HCFC1: variants seen among roughly 807,000 people sequenced by gnomAD.
The protein encoded by HCFC1 is host cell factor C1, also known as host cell factor 1.
In HCFC1, 7 loss-of-function variants were observed where a neutral mutation model predicts 105.5. The ratio of observed to expected loss-of-function variants is 0.07; its 90% CI spans 0.04 to 0.12. The LOEUF is 0.12. Ranked by LOEUF, HCFC1 falls within the 10% of genes least tolerant of loss-of-function variation. The pLI is 1.00. For synonymous variants in HCFC1, 918 were observed against 828.1 expected (o/e 1.11, Z -1.86); for missense variants, 1,065 against 1,823.6 (o/e 0.58, Z 7.58).
In HCFC1 at chrX:153,952,729, G is replaced by T. The variant is rs2148563453; in HGVS notation, c.4727C>A (p.Pro1576Gln). The change falls in exon 19 of 26, where the codon CCA becomes CAA. Residue 1576 changes from proline to glutamine, a missense_variant. Physicochemically the swap from Pro to Gln is moderately conservative, Grantham distance 76 (BLOSUM62 -1). Around this residue, in one of 17 missense-constraint regions of HCFC1, gnomAD observed 546 missense variants for 599.9 expected, o/e 0.91. Coordinates refer to ENST00000310441, the MANE Select transcript of HCFC1 (RefSeq NM_005334.3). The part of the protein sequence containing the change: ...VVATVVVQPP[P>Q]PTQSEVDQLS... Reference sequence around the variant, plus strand: ...CTGGTCTACTTCGGACTGTGTGGGTGGGGGTGGCTGGACCACCACAGTGGC... The same window carrying T: ...CTGGTCTACTTCGGACTGTGTGGGTTGGGGTGGCTGGACCACCACAGTGGC... 2.5e-6 allele frequency: 3 copies of T among 1,209,043 alleles called. No individual in the cohort carries two copies. The highest frequency in any genetic ancestry group is 3.5e-5 in the South Asian group (2 of 56,871).
At position 153,954,907 on chromosome X, in the gene HCFC1, G is replaced by A. The variant is rs376049260; in HGVS notation, c.3492C>T (p.Ser1164=). The part of the protein sequence containing the change: ...GALEAAQGSK[S]QCQTRQTSAT... Reference sequence around the variant, plus strand: ...CGCTGGTCTGGCGGGTTTGGCACTGGGACTTAGAGCCCTGGGCTGCCTCCA... The same window carrying A: ...CGCTGGTCTGGCGGGTTTGGCACTGAGACTTAGAGCCCTGGGCTGCCTCCA... Residue 1164 remains serine, a synonymous_variant, in exon 17 of 26, where the codon TCC becomes TCT. Transcript: ENST00000310441. 1.1e-3 allele frequency: 1,241 copies of A among 1,169,225 alleles called. No individual in the cohort carries two copies. Among genetic ancestry groups the A allele is most frequent in the Non-Finnish European group, 1.3e-3 (1,142 of 877,818 alleles).
Position 153,956,745 on chromosome X carries a change from G to C in HCFC1, c.2515C>G (p.Pro839Ala). 1.7e-6 allele frequency: 2 copies of C among 1,210,988 alleles called. No homozygotes were observed. The highest frequency in any genetic ancestry group is 2.2e-6 in the Non-Finnish European group (2 of 895,504). ...CGGAGGATGGTGCCTGGCTGTCCCG[G>C]GGCCCCCTTAAGCACCACCTGGAAC... is the stretch of plus-strand genomic sequence containing the variant. ...GVTQVVLKGA[P>A]GQPGTILRTV... The change falls in exon 15 of 26, where the codon CCG (proline) becomes GCG (alanine). Residue 839 changes from proline to alanine, a missense_variant. Around this residue, in one of 17 missense-constraint regions of HCFC1, gnomAD observed 137 missense variants for 378.2 expected, o/e 0.36. Coordinates refer to ENST00000310441, the MANE Select transcript of HCFC1 (RefSeq NM_005334.3).
At position 153,971,654 on chromosome X, in the gene HCFC1, C is replaced by T; in HGVS notation, c.-814G>A. ...CCTAGGTCAGTTCTTCCACTGCACA[C>T]CAAACTCAAGGCGGTGTCCGATCCT... On this transcript the variant is annotated 5_prime_UTR_variant, in exon 1 of 26. In the 5' UTR this introduces an upstream ATG that the reference lacks. Transcript: ENST00000310441. The T allele has an allele frequency of 3.4e-6, 1 of 297,040 alleles. No individual in the cohort carries two copies. The highest frequency in any genetic ancestry group is 5.9e-6 in the Non-Finnish European group (1 of 169,760). The allele number at this position is 297,040 out of a possible 1,213,427, so 24.5% of individuals were successfully genotyped here.
intron 8 of HCFC1, 57 bp downstream of exon 8, chrX:153,959,745 T>G: frequency 4.4e-6 from 5 of 1,140,275 alleles, no homozygotes; most frequent in Non-Finnish European, 5.8e-6. Flanking sequence ...ACTTGGCCGC[T>G]GCCTCTCCCC....
intron 14 of HCFC1, 65 bp downstream of exon 14, chrX:153,956,853 T>A: frequency 8.3e-7 from 1 of 1,202,491 alleles, no homozygotes; most frequent in Non-Finnish European, 1.1e-6. Context: ...CGGGAGGACC[T>A]GCGTGGCGTG....
rs2065535569 is a variant in HCFC1, at chrX:153,971,598, C to G, written c.-758G>C. On this transcript the variant is annotated 5_prime_UTR_variant, in exon 1 of 26. Coordinates refer to ENST00000310441, the MANE Select transcript of HCFC1 (RefSeq NM_005334.3). Reference sequence around the variant, plus strand: ...CGCCGTGGGAGCCGCCATCTTGAGACTAGCTCCCCGTTCCCCCCTATTCTC... The same window carrying G: ...CGCCGTGGGAGCCGCCATCTTGAGAGTAGCTCCCCGTTCCCCCCTATTCTC... 3.4e-6 allele frequency: 1 copy of G among 294,485 alleles called. No homozygotes were observed. The allele number at this position is 294,485 out of a possible 1,213,427, so 24.3% of individuals were successfully genotyped here.
chrX:153,964,366 G>A (rs1348479065), intron 2 of HCFC1, 82 bp from the exon 3 acceptor site: 1 of 996,374 alleles, frequency 1.0e-6, no homozygotes, highest in African/African-American at 1.9e-5. Context: ...GGTGGAGGAG[G>A]AAATGGCCGG....
At position 153,964,938 on chromosome X, in the gene HCFC1, G is replaced by C. The variant is rs963998718; in HGVS notation, c.194-212C>G. 3.6e-5 allele frequency among the ~76,000 whole-genome samples: 4 copies of C among 111,895 alleles called. No individual in the cohort carries two copies. In the Admixed American group the frequency reaches 3.8e-4, roughly 11 times the overall value. On this transcript the variant is annotated intron_variant, in intron 1 of 25. Transcript: ENST00000310441. The stretch of plus-strand genomic sequence containing the variant: ...AGAGCCTGTGACCACCCTGCTTCTC[G>C]CCAAGGTCATCTTAATGAGCGGGAA...
rs2065271978 is a variant in HCFC1 at position 153,948,021 on chromosome X, C to T, written c.*1326G>A. The T allele has an allele frequency of 8.9e-6, 1 of 112,111 alleles. No individual in the cohort carries two copies. The highest frequency in any genetic ancestry group is 9.4e-5 in the Admixed American group (1 of 10,608). The allele number at this position is 112,111 out of a possible 1,213,427, so 9.2% of individuals were successfully genotyped here. ...TGGTGGCCTGCTCCATTGCCCTAGCCTCCCTTGTGGGTGACACTACACAGT... is the reference window on the plus strand; with the variant it reads ...TGGTGGCCTGCTCCATTGCCCTAGCTTCCCTTGTGGGTGACACTACACAGT... On this transcript the variant is annotated 3_prime_UTR_variant, in exon 26 of 26. Transcript: ENST00000310441.
At chrX:153,960,842 G>A (rs959704842) in intron 6 of HCFC1, among the ~76,000 whole-genome samples, 2 of 112,808 alleles carry the variant, frequency 1.8e-5, no homozygotes, top group Non-Finnish European at 3.7e-5. Context: ...AAGGTGAGCC[G>A]GAGGGGGAGC....
Position 153,958,691 on chromosome X carries a change from G to A in HCFC1, c.1681C>T (p.Pro561Ser). The change falls in exon 10 of 26, where the codon CCT (proline) becomes TCT (serine). Residue 561 changes from proline (P) to serine (S), a missense_variant. Pro to Ser is a moderately conservative substitution (Grantham distance 74, BLOSUM62 -1). This residue lies in a region of HCFC1 where 137 missense variants were observed against 378.2 expected (regional missense o/e 0.36). Coordinates refer to ENST00000310441, the MANE Select transcript of HCFC1 (RefSeq NM_005334.3). Reference protein sequence around the residue: ...AAAAATQKIPPSSAPTVLSVP... With the variant: ...AAAAATQKIPSSSAPTVLSVP... ...CTCAGCACCGTGGGTGCCGAGGAAG[G>A]GGGGATCTTCTGGGTGGCAGCGGCC... 8.3e-7 allele frequency: 1 copy of A among 1,201,984 alleles called. No individual in the cohort carries two copies. Among genetic ancestry groups the A allele is most frequent in the Non-Finnish European group, 1.1e-6 (1 of 889,369 alleles).
chrX:153,957,514 G>A lies in HCFC1; in HGVS notation c.2153C>T (p.Ala718Val). 1 of 1,202,473 alleles carries A rather than the reference G, an allele frequency of 8.3e-7. No individual in the cohort carries two copies. The highest frequency in any genetic ancestry group is 1.1e-6 in the Non-Finnish European group (1 of 889,255). Residue 718 changes from alanine to valine, a missense_variant, in exon 13 of 26, where the codon GCG becomes GTG. Ala to Val is a moderately conservative substitution (Grantham distance 64, BLOSUM62 0). Around this residue, in one of 17 missense-constraint regions of HCFC1, gnomAD observed 137 missense variants for 378.2 expected, o/e 0.36. Coordinates refer to ENST00000310441, the MANE Select transcript of HCFC1 (RefSeq NM_005334.3). ...GGTCACCAGCTTCAGGATTGTTCCC[G>A]CTGGCAGGGGCCCTTTGGTCTGAAA... ...QIIQTKGPLP[A>V]GTILKLVTSA...
Position 153,949,133 on chromosome X carries a change from CCCATCTGCCTCTGCTT to C in HCFC1, c.*198_*213del. On this transcript the variant is annotated 3_prime_UTR_variant, in exon 26 of 26. Transcript: ENST00000310441. ...GGAAGCGCGCTCCTCTCTCTGCTTT[CCCATCTGCCTCTGCTT>C]CCTCCCAACAGCAATGGTAAAATGT... 1 of 378,801 alleles carries C rather than the reference CCCATCTGCCTCTGCTT, an allele frequency of 2.6e-6. No individual in the cohort carries two copies. The highest frequency in any genetic ancestry group is 4.7e-6 in the Non-Finnish European group (1 of 214,871). The allele number at this position is 378,801 out of a possible 1,213,427, so 31.2% of individuals were successfully genotyped here. A position where few individuals can be genotyped will look rare whatever the true frequency, so the allele number is the denominator to read the frequency against.
At position 153,949,634 on chromosome X, in the gene HCFC1, G is replaced by C. The variant is rs781820710; in HGVS notation, c.6005-18C>G. ...ACTGGTTTCTGGAAGGAACGGGAGAGATGCGTGAGCAGCATTGTGACAGAA... is the reference window on the plus strand; with the variant it reads ...ACTGGTTTCTGGAAGGAACGGGAGACATGCGTGAGCAGCATTGTGACAGAA... On this transcript the variant is annotated intron_variant, in intron 24 of 25. Coordinates refer to ENST00000310441, the MANE Select transcript of HCFC1 (RefSeq NM_005334.3). 3.4e-4 allele frequency: 398 copies of C among 1,187,488 alleles called. 1 individual carries two copies. The highest frequency in any genetic ancestry group is 4.3e-4 in the Non-Finnish European group (380 of 874,223).
In HCFC1 at chrX:153,971,689, C is replaced by T. The variant is rs2065537027; in HGVS notation, c.-849G>A. On this transcript the variant is annotated 5_prime_UTR_variant, in exon 1 of 26. Coordinates refer to ENST00000310441, the MANE Select transcript of HCFC1 (RefSeq NM_005334.3). ...GGCGGTGTCCGATCCTCACTTCCCG[C>T]CTTATGACTCCTTCCCACAGGAGCC... 6.7e-6 allele frequency: 2 copies of T among 296,843 alleles called. No individual in the cohort carries two copies. Among genetic ancestry groups the T allele is most frequent in the African/African-American group, 5.4e-5 (2 of 36,798 alleles). 24.5% of individuals were successfully genotyped at this position (296,843 alleles called of 1,213,427 possible). A position where few individuals can be genotyped will look rare whatever the true frequency, so the allele number is the denominator to read the frequency against.
intron 2 of HCFC1, 59 bp from the exon 3 acceptor site, chrX:153,964,343 C>T (rs2065456493): frequency 1.7e-5 from 18 of 1,072,899 alleles, no homozygotes; most frequent in African/African-American, 3.7e-5. Context: ...ACTAGGGACC[C>T]GGGGCAACTT....
intron 1 of HCFC1, among the ~76,000 whole-genome samples, chrX:153,970,305 G>A (rs961504151): frequency 3.7e-5 from 4 of 109,211 alleles, no homozygotes; most frequent in Non-Finnish European, 5.7e-5. Context: ...TCGGACTAGG[G>A]GCTTTCTTTT....
At position 153,954,849 on chromosome X, in the gene HCFC1, C is replaced by T. The variant is rs398124207; in HGVS notation, c.3550G>A (p.Gly1184Arg). The change falls in exon 17 of 26, where the codon GGG (glycine) becomes AGG (arginine). Residue 1184 changes from glycine to arginine, a missense_variant. Physicochemically the swap from Gly to Arg is moderately radical, Grantham distance 125 (BLOSUM62 -2). This residue lies in a region of HCFC1 where 546 missense variants were observed against 599.9 expected (regional missense o/e 0.91). Transcript: ENST00000310441. Reference protein sequence around the residue: ...TSTTMTVMATGAPCSAGPLLG... With the variant: ...TSTTMTVMATRAPCSAGPLLG... ...AGTGGGCCGGCCGAGCACGGGGCCC[C>T]GGTGGCCATCACAGTCATGGTGGTG... 1 of 1,150,969 alleles carries T rather than the reference C, an allele frequency of 8.7e-7. No individual in the cohort carries two copies. Among genetic ancestry groups the T allele is most frequent in the Non-Finnish European group, 1.1e-6 (1 of 870,785 alleles). The allele number at this position is 1,150,969 out of a possible 1,213,427, so 94.9% of individuals were successfully genotyped here.
chrX:153,965,805 T>G (rs1476490152), intron 1 of HCFC1, among the ~76,000 whole-genome samples: 1 of 112,831 alleles, frequency 8.9e-6, no homozygotes, highest in African/African-American at 3.2e-5. Context: ...CTATTCAGTT[T>G]GGTGGCCAAA....
Sources: gnomAD v4.1 joint callset for allele counts (sites outside exome capture counted in the v4.1 genomes callset) on GRCh38, gnomAD v4.1.1 for gene constraint, gnomAD v4.1.1 regional missense constraint, MANE v1.5 for transcripts, NCBI Gene and HGNC (gene_info 2026-07-23, HGNC 2026-07-21) for gene names.